Variants in RBFOX1 observed in about 807,000 individuals in gnomAD.
RBFOX1 encodes the protein RNA binding protein fox-1 homolog 1.
RBFOX1 carries 8 observed loss-of-function variants against 57.7 expected under a neutral mutation model. The ratio of observed to expected loss-of-function variants is 0.14; its 90% CI spans 0.08 to 0.25. The LOEUF (loss-of-function observed/expected upper bound fraction) is 0.25, where lower values mean the gene tolerates loss of function less well. Among genes scored for constraint, RBFOX1 ranks in the 10% least tolerant of loss-of-function variants. RBFOX1 has a pLI of 1.00. For synonymous variants in RBFOX1, 326 were observed against 222.4 expected (o/e 1.47, Z -4.15); for missense variants, 611 against 548.5 (o/e 1.11, Z -1.14).
intron 3 of RBFOX1, among the ~76,000 whole-genome samples, chr16:5,671,358 G>A (rs143233843): frequency 6.6e-6 from 1 of 152,068 alleles, no homozygotes; most frequent in Non-Finnish European, 1.5e-5. Flanking sequence ...AGAGAGGGAT[G>A]CTCCATTATT....
intron 3 of RBFOX1, among the ~76,000 whole-genome samples, chr16:6,884,937 G>A (rs1171858425): frequency 6.6e-6 from 1 of 152,116 alleles, no homozygotes; most frequent in East Asian, 1.9e-4. Flanking sequence ...CAAATATTAA[G>A]TGTTAAATCG....
rs200614872 is a variant in RBFOX1, at chr16:5,682,918, C to CT, written c.318+83958dup. On this transcript the variant is annotated intron_variant, in intron 3 of 19. Transcript: ENST00000641259. ...AGCTGTGGAAGTGCAGACCCCAAAG[C>CT]TCCCAGGGTCTAGTGTGAGTCCTGG... 2.4e-3 allele frequency among the ~76,000 whole-genome samples: 371 copies of CT among 152,324 alleles called. 2 individuals are homozygous for CT. The highest frequency in any genetic ancestry group is 0.023 in the Admixed American group (348 of 15,308).
chr16:7,685,224 T>C (rs1023224089), intron 14 of RBFOX1, among the ~76,000 whole-genome samples: 50 of 152,242 alleles, frequency 3.3e-4, no homozygotes, highest in African/African-American at 1.2e-3. Flanking sequence ...CAAAGGGTTG[T>C]CCTGCCACAA....
intron 10 of RBFOX1, among the ~76,000 whole-genome samples, chr16:7,629,275 C>A (rs1398232866): frequency 6.6e-6 from 1 of 152,114 alleles, no homozygotes; most frequent in African/African-American, 2.4e-5. Flanking sequence ...CCGTGCAGTC[C>A]CTCTGTGTGG....
chr16:5,268,065 C>T (rs773803816), intron 1 of RBFOX1, among the ~76,000 whole-genome samples: 8 of 150,156 alleles, frequency 5.3e-5, no homozygotes, highest in African/African-American at 2.0e-4. Context: ...GGAGACAGAG[C>T]GAGATTCCAT....
chr16:7,100,988 A>C (rs1400312301), intron 4 of RBFOX1, among the ~76,000 whole-genome samples: 1 of 152,192 alleles, frequency 6.6e-6, no homozygotes, highest in Non-Finnish European at 1.5e-5. Flanking sequence ...TTGAGGAAAC[A>C]CTCAGAGATA....
At chr16:6,531,699 C>A (rs1039664198) in intron 2 of RBFOX1, among the ~76,000 whole-genome samples, 1 of 152,108 alleles carries the variant, frequency 6.6e-6, no homozygotes, top group Non-Finnish European at 1.5e-5. Context: ...TAGAGTTTCT[C>A]ATGGACCCAA....
At chr16:7,491,638 C>G (rs1312980563) in intron 4 of RBFOX1, among the ~76,000 whole-genome samples, 1 of 151,758 alleles carries the variant, frequency 6.6e-6, no homozygotes, top group Non-Finnish European at 1.5e-5. Context: ...TTTATTTTAT[C>G]TATTTTATTT....
At chr16:6,476,066 G>C (rs1466588465) in intron 2 of RBFOX1, among the ~76,000 whole-genome samples, 1 of 152,086 alleles carries the variant, frequency 6.6e-6, no homozygotes, top group African/African-American at 2.4e-5. Flanking sequence ...AGAACAGGCA[G>C]TTCCCAGGTG....
chr16:5,651,609 A>T (rs1282787553), intron 3 of RBFOX1, among the ~76,000 whole-genome samples: 1 of 152,100 alleles, frequency 6.6e-6, no homozygotes, highest in African/African-American at 2.4e-5. Flanking sequence ...TGACCTTGTC[A>T]GTCACCACCT....
chr16:6,859,869 C>T (rs994515117), intron 3 of RBFOX1, among the ~76,000 whole-genome samples: 4 of 152,008 alleles, frequency 2.6e-5, no homozygotes, highest in African/African-American at 4.8e-5. Context: ...GCTTGCTTTT[C>T]CTTTGAGTTA....
chr16:7,694,922 T>G (rs761867720), intron 14 of RBFOX1, among the ~76,000 whole-genome samples: 2 of 152,320 alleles, frequency 1.3e-5, no homozygotes, highest in South Asian at 4.1e-4. Context: ...TGTTCCAGTA[T>G]GTTAGGTTAT....
At chr16:7,537,600 C>G (rs138529233) in intron 5 of RBFOX1, among the ~76,000 whole-genome samples, 1 of 152,124 alleles carries the variant, frequency 6.6e-6, no homozygotes, top group South Asian at 2.1e-4. Flanking sequence ...GTGAAGACAT[C>G]GTAAAAAGAT....
intron 1 of RBFOX1, among the ~76,000 whole-genome samples, chr16:6,060,122 GTT>G (rs199690584): frequency 1.6e-3 from 184 of 113,994 alleles, no homozygotes; most frequent in Non-Finnish European, 2.1e-3. Flanking sequence ...TAGGATTAGG[GTT>G]TTTTTTTTTT....
chr16:6,250,373 G>A (rs1305513457), intron 1 of RBFOX1, among the ~76,000 whole-genome samples: 1 of 152,136 alleles, frequency 6.6e-6, no homozygotes, highest in Non-Finnish European at 1.5e-5. Flanking sequence ...TCATGACTAG[G>A]AAAGTCACTC....
At chr16:5,883,135 C>T (rs1378689088) in intron 4 of RBFOX1, among the ~76,000 whole-genome samples, 1 of 151,990 alleles carries the variant, frequency 6.6e-6, no homozygotes, top group African/African-American at 2.4e-5. Flanking sequence ...TGTTATATTC[C>T]CTCCATTCTT....
At chr16:6,816,790 G>C (rs2090177864) in intron 3 of RBFOX1, among the ~76,000 whole-genome samples, 2 of 151,662 alleles carry the variant, frequency 1.3e-5, no homozygotes, top group African/African-American at 4.8e-5. Flanking sequence ...TGTTACCCAG[G>C]TTGGACTGCA....
intron 2 of RBFOX1, among the ~76,000 whole-genome samples, chr16:5,477,498 G>A (rs1028464200): frequency 1.3e-5 from 2 of 152,152 alleles, no homozygotes; most frequent in Non-Finnish European, 1.5e-5. Flanking sequence ...TTTGGGAAAC[G>A]ATCTTACTTT....
chr16:7,283,323 C>G (rs1425217424), intron 4 of RBFOX1, among the ~76,000 whole-genome samples: 1 of 151,910 alleles, frequency 6.6e-6, no homozygotes, highest in Non-Finnish European at 1.5e-5. Flanking sequence ...CCTCTGCAGT[C>G]TCTATACTCC....
Sources: allele counts gnomAD v4.1 joint callset (sites outside exome capture counted in the v4.1 genomes callset), GRCh38; gene constraint gnomAD v4.1.1; transcripts MANE v1.5; gene names NCBI Gene and HGNC (gene_info 2026-07-23, HGNC 2026-07-21).